Variants in PTPRM observed in about 807,000 individuals in gnomAD.
PTPRM encodes the protein receptor-type tyrosine-protein phosphatase mu.
Under a neutral mutation model 186.7 loss-of-function variants are expected in PTPRM, and 47 were observed. The observed-to-expected ratio is 0.25, with a 90% CI of 0.20 to 0.32. The LOEUF (loss-of-function observed/expected upper bound fraction) is 0.32. PTPRM is among the 10% of genes least tolerant of loss of function. The probability of loss-of-function intolerance (pLI) is 1.00; values close to 1 mark genes in which losing one functional copy is unlikely to be tolerated. For missense variants in PTPRM, 1,494 were observed against 1,865.0 expected (o/e 0.80, Z 3.66); for synonymous variants, 668 against 674.9 (o/e 0.99, Z 0.16).
intron 3 of PTPRM, among the ~76,000 whole-genome samples, chr18:7,897,818 G>A (rs16952633): frequency 0.13 from 19,108 of 151,670 alleles, 1,534 homozygotes; most frequent in East Asian, 0.4. Flanking sequence ...TTCTGTGCAC[G>A]GCCTCTTGAA....
At chr18:8,151,148 C>T (rs1434927948) in intron 14 of PTPRM, among the ~76,000 whole-genome samples, 3 of 152,158 alleles carry the variant, frequency 2.0e-5, no homozygotes, top group African/African-American at 7.2e-5. Context: ...CTTATCAGAG[C>T]TTCAACACTG....
intron 1 of PTPRM, among the ~76,000 whole-genome samples, chr18:7,700,411 G>T (rs147935105): frequency 1.1e-3 from 168 of 152,312 alleles, no homozygotes; most frequent in African/African-American, 3.6e-3. Flanking sequence ...TGGATTGCCA[G>T]ACTCTGCCTG....
Position 8,182,205 on chromosome 18 carries a change from A to T in PTPRM, c.2300+38426A>T, listed in dbSNP as rs182819978. Among the ~76,000 whole-genome samples the T allele has an allele frequency of 6.6e-5, 10 of 152,084 alleles. No homozygotes were observed. In the East Asian group the frequency reaches 1.9e-3, roughly 29 times the overall value. On this transcript the variant is annotated intron_variant, in intron 14 of 32. Transcript: ENST00000580170. ...ATTATGGTCCTGAATGTTTATTTTTATTTATTTTATTTTATTTTTTACTTT... is the reference window on the plus strand; with the variant it reads ...ATTATGGTCCTGAATGTTTATTTTTTTTTATTTTATTTTATTTTTTACTTT...
At chr18:8,032,530 G>A (rs1415537438) in intron 7 of PTPRM, among the ~76,000 whole-genome samples, 1 of 152,042 alleles carries the variant, frequency 6.6e-6, no homozygotes, top group African/African-American at 2.4e-5. Flanking sequence ...AGAGATGTCA[G>A]TTCTCCCAAG....
intron 2 of PTPRM, among the ~76,000 whole-genome samples, chr18:7,841,466 G>C (rs1296250398): frequency 1.3e-5 from 2 of 151,032 alleles, no homozygotes; most frequent in East Asian, 3.9e-4. Context: ...TAGTTTTTTT[G>C]TATATTTTTA....
rs2037242692 is a variant in PTPRM, at chr18:7,595,804, G to A, written c.73+27913G>A. ...TTCATCTGAGAATATTTGAATTTGT[G>A]CACAGCTGAAGCCATTTGAGGCTTG... is the stretch of plus-strand genomic sequence containing the variant. On this transcript the variant is annotated intron_variant, in intron 1 of 32. Coordinates refer to ENST00000580170, the MANE Select transcript of PTPRM (RefSeq NM_001105244.2). Among the ~76,000 whole-genome samples the A allele has an allele frequency of 2.0e-5, 3 of 152,082 alleles. No homozygotes were observed. In the South Asian group the frequency reaches 6.2e-4, roughly 32 times the overall value.
At chr18:8,010,570 A>C (rs1289142437) in intron 7 of PTPRM, among the ~76,000 whole-genome samples, 1 of 152,208 alleles carries the variant, frequency 6.6e-6, no homozygotes, top group African/African-American at 2.4e-5. Context: ...ACAAATGTTA[A>C]AATGTTCATA....
chr18:8,057,099 A>G (rs1013720162), intron 7 of PTPRM, among the ~76,000 whole-genome samples: 6 of 150,592 alleles, frequency 4.0e-5, no homozygotes, highest in African/African-American at 1.5e-4. Flanking sequence ...ATTTTTGAAA[A>G]TTTTTAAGCA....
intron 22 of PTPRM, among the ~76,000 whole-genome samples, chr18:8,334,621 A>G (rs1300200438): frequency 6.6e-6 from 1 of 152,252 alleles, no homozygotes; most frequent in Non-Finnish European, 1.5e-5. Flanking sequence ...TCTTGCCATA[A>G]TAATTGTAAA....
intron 14 of PTPRM, among the ~76,000 whole-genome samples, chr18:8,211,654 C>T (rs1023453330): frequency 1.3e-5 from 2 of 152,058 alleles, no homozygotes; most frequent in African/African-American, 4.8e-5. Context: ...CCGCCTGCCT[C>T]GCCCTCCCAA....
chr18:8,380,267 A>G (rs2095724391), intron 28 of PTPRM, 29 bp from the exon 29 acceptor site: 1 of 1,607,872 alleles, frequency 6.2e-7, no homozygotes, highest in Non-Finnish European at 8.5e-7. Context: ...TCCTGAGTAT[A>G]TTTGGAGCAT....
intron 4 of PTPRM, among the ~76,000 whole-genome samples, chr18:7,924,743 A>G (rs1159097829): frequency 6.6e-6 from 1 of 152,206 alleles, no homozygotes; most frequent in Non-Finnish European, 1.5e-5. Context: ...AGGCCTAACC[A>G]CAAGGTGAGC....
At chr18:8,257,755 A>C (rs2094587888) in intron 19 of PTPRM, among the ~76,000 whole-genome samples, 1 of 152,204 alleles carries the variant, frequency 6.6e-6, no homozygotes, top group Non-Finnish European at 1.5e-5. Context: ...GTATATTATC[A>C]GGAAAAGCCA....
At chr18:8,351,814 A>G (rs963039004) in intron 23 of PTPRM, among the ~76,000 whole-genome samples, 10 of 152,176 alleles carry the variant, frequency 6.6e-5, no homozygotes, top group African/African-American at 9.7e-5. Context: ...ATCAGCCAAG[A>G]AAGGAGGCAC....
chr18:8,255,869 G>T (rs910349876), intron 19 of PTPRM, among the ~76,000 whole-genome samples: 1 of 152,144 alleles, frequency 6.6e-6, no homozygotes, highest in African/African-American at 2.4e-5. Context: ...TGCCATGGCC[G>T]CAGGGAGAAG....
At chr18:7,777,441 C>G (rs1381733030) in intron 2 of PTPRM, among the ~76,000 whole-genome samples, 2 of 152,138 alleles carry the variant, frequency 1.3e-5, no homozygotes, top group African/African-American at 4.8e-5. Flanking sequence ...TAAATGGTGT[C>G]AGTGGTTGGT....
At chr18:8,085,473 C>A (rs1015521441) in intron 9 of PTPRM, among the ~76,000 whole-genome samples, 198 bp from the exon 10 acceptor site, 2 of 152,092 alleles carry the variant, frequency 1.3e-5, no homozygotes, top group African/African-American at 4.8e-5. Context: ...GCTTAAGTTC[C>A]CCTGTCTATA....
chr18:8,227,433 TA>T (rs1386935524), intron 14 of PTPRM, among the ~76,000 whole-genome samples: 54 of 152,114 alleles, frequency 3.5e-4, no homozygotes, highest in African/African-American at 1.3e-3. Context: ...AAAGGTTTTT[TA>T]AAAAAAATTT....
At chr18:8,092,372 T>C (rs778412404) in intron 11 of PTPRM, among the ~76,000 whole-genome samples, 6 of 152,058 alleles carry the variant, frequency 3.9e-5, no homozygotes, top group South Asian at 2.1e-4. Context: ...AGTTTTTTCA[T>C]TAATAAGATA....
Sources: gnomAD v4.1 joint callset for allele counts (sites outside exome capture counted in the v4.1 genomes callset) on GRCh38, gnomAD v4.1.1 for gene constraint, MANE v1.5 for transcripts, NCBI Gene and HGNC (gene_info 2026-07-23, HGNC 2026-07-21) for gene names.